SLC1A2: variants seen among roughly 807,000 people sequenced by gnomAD.
SLC1A2 encodes excitatory amino acid transporter 2.
Under a neutral mutation model 48.8 loss-of-function variants are expected in SLC1A2, and 15 were observed. The observed-to-expected ratio is 0.31, with a 90% confidence interval of 0.21 to 0.47. SLC1A2 has a LOEUF of 0.47. Ranked by LOEUF, SLC1A2 falls within the 20% of genes least tolerant of loss-of-function variation. The pLI is 0.99. For synonymous variants in SLC1A2, 279 were observed against 272.6 expected (o/e 1.02, Z -0.23); for missense variants, 502 against 730.5 (o/e 0.69, Z 3.61).
At chr11:35,283,860 A>G (rs1850719803) in intron 8 of SLC1A2, among the ~76,000 whole-genome samples, 1 of 151,952 alleles carries the variant, frequency 6.6e-6, no homozygotes, top group Non-Finnish European at 1.5e-5. Context: ...TGTCACAGCC[A>G]CATTTTTCTT....
chr11:35,328,883 T>G (rs1852333578), intron 1 of SLC1A2, among the ~76,000 whole-genome samples: 1 of 152,180 alleles, frequency 6.6e-6, no homozygotes, highest in Admixed American at 6.6e-5. Context: ...TGGCCCCAAC[T>G]CTGTCTCTGG....
chr11:35,402,165 G>A (rs1042227082), intron 1 of SLC1A2, among the ~76,000 whole-genome samples: 3 of 152,110 alleles, frequency 2.0e-5, no homozygotes, highest in Non-Finnish European at 2.9e-5. Flanking sequence ...TTTGGTGTGC[G>A]AATGAGATGA....
At position 35,292,623 on chromosome 11, in the gene SLC1A2, G is replaced by A. The variant is rs1439398149; in HGVS notation, c.858-103C>T. The A allele has an allele frequency of 2.1e-5, 14 of 653,356 alleles. No homozygotes were observed. The East Asian group carries it at 3.0e-4, about 14-fold the overall frequency. 40.5% of individuals were successfully genotyped at this position (653,356 alleles called of 1,614,324 possible). On this transcript the variant is annotated intron_variant, in intron 6 of 10. Transcript: ENST00000278379. ...ACTGAGGAAAACGCTTGGCTCTTCT[G>A]TACAAAAAAAGACTTTTGCTGAGAA...
At position 35,265,823 on chromosome 11, in the gene SLC1A2, G is replaced by A. The variant is rs1036380635; in HGVS notation, c.1422-65C>T. 3.0e-6 allele frequency: 3 copies of A among 1,003,666 alleles called. No individual in the cohort carries two copies. In the Admixed American group the frequency reaches 5.9e-5, roughly 20 times the overall value. 62.2% of individuals were successfully genotyped at this position (1,003,666 alleles called of 1,614,324 possible). A position where few individuals can be genotyped will look rare whatever the true frequency, so the allele number is the denominator to read the frequency against. ...TATTATGTGGTAGTTGAGAGGTCAA[G>A]GTCTGGAGTCAGAGAGACATAGGGT... On this transcript the variant is annotated intron_variant, in intron 9 of 10. Transcript: ENST00000278379.
At chr11:35,278,273 G>GTTTTTTT (rs35889672) in intron 9 of SLC1A2, among the ~76,000 whole-genome samples, 17 of 88,620 alleles carry the variant, frequency 1.9e-4, no homozygotes, top group Admixed American at 3.9e-4. Context: ...GTTTTTTTTT[G>GTTTTTTT]TTTTTTTTTT....
chr11:35,327,901 G>A (rs1852299086), intron 1 of SLC1A2, among the ~76,000 whole-genome samples: 1 of 152,122 alleles, frequency 6.6e-6, no homozygotes, highest in Non-Finnish European at 1.5e-5. Context: ...TGAGTCCAGT[G>A]TTTTATGGGT....
intron 6 of SLC1A2, among the ~76,000 whole-genome samples, chr11:35,293,761 A>G (rs1014275135): frequency 6.6e-6 from 1 of 152,172 alleles, no homozygotes; most frequent in Non-Finnish European, 1.5e-5. Flanking sequence ...CAGACTTGCA[A>G]TTGTGCCTGG....
At chr11:35,277,560 A>G (rs1288591794) in intron 9 of SLC1A2, among the ~76,000 whole-genome samples, 1 of 152,198 alleles carries the variant, frequency 6.6e-6, no homozygotes, top group African/African-American at 2.4e-5. Context: ...CCTCTATAAT[A>G]ATATTTTTTA....
chr11:35,394,286 A>C (rs1854882280), intron 1 of SLC1A2, among the ~76,000 whole-genome samples: 1 of 151,982 alleles, frequency 6.6e-6, no homozygotes, highest in African/African-American at 2.4e-5. Flanking sequence ...GACACATCAA[A>C]ACGGGTCTCC....
intron 7 of SLC1A2, chr11:35,292,039 T>G (rs1026710272): frequency 2.1e-6 from 1 of 471,556 alleles, no homozygotes; most frequent in Admixed American, 3.9e-5. Flanking sequence ...AGCATGCATT[T>G]ATCTGAAAAA....
chr11:35,365,754 TC>T (rs1271121798), intron 1 of SLC1A2, among the ~76,000 whole-genome samples: 1 of 152,204 alleles, frequency 6.6e-6, no homozygotes, highest in Non-Finnish European at 1.5e-5. Flanking sequence ...TGTCTGTCTC[TC>T]CCATCAGGCT....
At chr11:35,267,359 C>T (rs1303364710) in intron 9 of SLC1A2, among the ~76,000 whole-genome samples, 9 of 152,108 alleles carry the variant, frequency 5.9e-5, no homozygotes, top group Admixed American at 5.9e-4. Flanking sequence ...TAATAAAAAT[C>T]TCCAATACAT....
chr11:35,299,997 A>G (rs758108905), intron 6 of SLC1A2, among the ~76,000 whole-genome samples: 23 of 152,236 alleles, frequency 1.5e-4, no homozygotes, highest in Non-Finnish European at 3.2e-4. Context: ...AACAAATGCA[A>G]GTAAAAAGCT....
At chr11:35,333,827 A>ATT (rs373988431) in intron 1 of SLC1A2, among the ~76,000 whole-genome samples, 219 of 126,178 alleles carry the variant, frequency 1.7e-3, no homozygotes, top group Middle Eastern at 8.1e-3. Flanking sequence ...ATGCCAGCTA[A>ATT]TTTTTTTTTT....
Position 35,255,662 on chromosome 11 carries a change from T to G in SLC1A2, c.*5232A>C, listed in dbSNP as rs539328357. The G allele has an allele frequency of 6.6e-6, 1 of 152,228 alleles. No homozygotes were observed. Among genetic ancestry groups the G allele is most frequent in the Non-Finnish European group, 1.5e-5 (1 of 68,044 alleles). The allele number at this position is 152,228 out of a possible 1,614,324, so 9.4% of individuals were successfully genotyped here. ...TTTGGGTATTCAGAGAGGGCTCTGT[T>G]GCTACAGCAGCAATGATGCAACAGC... On this transcript the variant is annotated 3_prime_UTR_variant, in exon 11 of 11. Coordinates refer to ENST00000278379, the MANE Select transcript of SLC1A2 (RefSeq NM_004171.4).
chr11:35,419,062 C>A lies in SLC1A2; in HGVS notation c.-96G>T. ...GGTGAGCGCGAAGTGCGGCCGGGAG[C>A]GGTATTTAAGAGGAGCCTCTGCCCG... On this transcript the variant is annotated 5_prime_UTR_variant, in exon 1 of 11. Coordinates refer to ENST00000278379, the MANE Select transcript of SLC1A2 (RefSeq NM_004171.4). The surrounding 1 kb of genome is among the most constrained non-coding windows in gnomAD (Gnocchi z 5.4). The A allele has an allele frequency of 8.2e-7, 1 of 1,215,042 alleles. No individual in the cohort carries two copies. Among genetic ancestry groups the A allele is most frequent in the Non-Finnish European group, 1.2e-6 (1 of 853,444 alleles). The allele number at this position is 1,215,042 out of a possible 1,614,324, so 75.3% of individuals were successfully genotyped here.
At chr11:35,369,369 G>T (rs908076013) in intron 1 of SLC1A2, among the ~76,000 whole-genome samples, 1 of 152,196 alleles carries the variant, frequency 6.6e-6, no homozygotes, top group African/African-American at 2.4e-5. Context: ...TGATTGTGTT[G>T]TAGGTTTCCA....
chr11:35,280,996 G>A lies in SLC1A2; in HGVS notation c.1292C>T (p.Thr431Ile). 6.2e-7 allele frequency: 1 copy of A among 1,607,888 alleles called. No individual in the cohort carries two copies. Among genetic ancestry groups the A allele is most frequent in the Non-Finnish European group, 8.5e-7 (1 of 1,177,410 alleles). ...DGGQIVTVSLTATLASVGAAS... is the reference protein window; with the variant it reads ...DGGQIVTVSLIATLASVGAAS... ...CGCGCCGACGCTTGCCAGGGTGGCT[G>A]TGAGGCTATGAGAACAGAGAAGTTC... is the stretch of plus-strand genomic sequence containing the variant. The change falls in exon 9 of 11, where the codon ACA (threonine) becomes ATA (isoleucine). Residue 431 changes from threonine (T) to isoleucine (I), a missense_variant. Physicochemically the swap from Thr to Ile is moderately conservative, Grantham distance 89. Transcript: ENST00000278379.
intron 7 of SLC1A2, among the ~76,000 whole-genome samples, chr11:35,290,569 A>T (rs900204114): frequency 2.6e-5 from 4 of 151,980 alleles, no homozygotes; most frequent in Admixed American, 6.6e-5. Flanking sequence ...CTTCTTCAAA[A>T]TTGTATTCAC....
Sources: allele counts gnomAD v4.1 joint callset (sites outside exome capture counted in the v4.1 genomes callset), GRCh38; gene constraint gnomAD v4.1.1; non-coding constraint Gnocchi (gnomAD v3.1); transcripts MANE v1.5; gene names NCBI Gene and HGNC (gene_info 2026-07-23, HGNC 2026-07-21).